CEP63: variants seen among roughly 807,000 people sequenced by gnomAD.
The protein encoded by CEP63 is centrosomal protein of 63 kDa.
CEP63 carries 84 observed loss-of-function variants against 89.1 expected under a neutral mutation model. The ratio of observed to expected loss-of-function variants is 0.94; its 90% CI spans 0.79 to 1.13. CEP63 has a LOEUF of 1.13. CEP63 is among the 50% of genes most tolerant of loss of function. The pLI, the probability that CEP63 is intolerant of heterozygous loss-of-function variation, is 0.00. For synonymous variants in CEP63, 267 were observed against 272.5 expected (o/e 0.98, Z 0.20); for missense variants, 838 against 813.3 (o/e 1.03, Z -0.37).
At chr3:134,602,914 T>G in the CEP63 span, among the ~76,000 whole-genome samples, 2 of 152,246 alleles carry the variant, frequency 1.3e-5, no homozygotes, top group African/African-American at 4.8e-5. Flanking sequence ...CATTCCTGAC[T>G]ATACTTAGGG....
chr3:134,727,204 T>G, the CEP63 span, among the ~76,000 whole-genome samples: 2 of 152,236 alleles, frequency 1.3e-5, no homozygotes, highest in East Asian at 3.8e-4. Flanking sequence ...CAAGTTTCAC[T>G]GCTCCCAGGA....
At chr3:134,552,558 C>G (rs1955162970) in intron 12 of CEP63, 1 of 152,470 alleles carries the variant, frequency 6.6e-6, no homozygotes, top group South Asian at 2.0e-4. Context: ...AGTCTGTGTT[C>G]TTAGTTGGAA....
the CEP63 span, among the ~76,000 whole-genome samples, chr3:134,728,351 C>A: frequency 6.6e-6 from 1 of 152,076 alleles, no homozygotes; most frequent in Non-Finnish European, 1.5e-5. Context: ...AATTTCACTT[C>A]TAGAAATTTC....
the CEP63 span, among the ~76,000 whole-genome samples, chr3:134,606,509 C>T: frequency 5.9e-5 from 9 of 152,336 alleles, no homozygotes; most frequent in African/African-American, 1.7e-4. Flanking sequence ...ACCCGGACCC[C>T]TCAGCTGAGG....
the CEP63 span, among the ~76,000 whole-genome samples, chr3:134,655,032 G>A: frequency 3.3e-5 from 5 of 152,202 alleles, no homozygotes; most frequent in Admixed American, 1.3e-4. Flanking sequence ...TCCCAGTAGG[G>A]TGATAGTGAA....
At chr3:134,591,462 G>A (rs539494638), downstream of CEP63, among the ~76,000 whole-genome samples, 1 of 152,326 alleles carries the variant, frequency 6.6e-6, no homozygotes, top group South Asian at 2.1e-4. Flanking sequence ...CATGGTGACA[G>A]TGTTTGCTGT....
chr3:134,667,641 G>A, the CEP63 span, among the ~76,000 whole-genome samples: 1 of 152,238 alleles, frequency 6.6e-6, no homozygotes, highest in Non-Finnish European at 1.5e-5. Context: ...CACACTGACT[G>A]GGTGTTCAGC....
At chr3:134,619,880 G>C in the CEP63 span, 1 of 152,822 alleles carries the variant, frequency 6.5e-6, no homozygotes, top group Non-Finnish European at 1.5e-5. Context: ...TTAAGGCACA[G>C]GCACAGCTGG....
downstream of CEP63, among the ~76,000 whole-genome samples, chr3:134,576,113 G>T (rs1286930373): frequency 3.3e-5 from 5 of 152,188 alleles, no homozygotes. Context: ...TTCACGGGAA[G>T]TCTTCTCTTG....
At chr3:134,486,006 C>G (rs1047639405), upstream of CEP63, 6 of 984,744 alleles carry the variant, frequency 6.1e-6, no homozygotes, top group South Asian at 1.9e-4. Flanking sequence ...CCCCCCCTCC[C>G]CCGCATCACG....
the CEP63 span, among the ~76,000 whole-genome samples, chr3:134,648,775 A>G: frequency 6.6e-6 from 1 of 152,134 alleles, no homozygotes; most frequent in East Asian, 1.9e-4. Context: ...CTCGTTACGG[A>G]TTACTCCATC....
At chr3:134,535,849 A>G (rs1469040120) in intron 5 of CEP63, 1 of 152,190 alleles carries the variant, frequency 6.6e-6, no homozygotes, top group Non-Finnish European at 1.5e-5. Context: ...CTGTAATGTA[A>G]GTCAAATTAT....
chr3:134,756,252 A>G, the CEP63 span, among the ~76,000 whole-genome samples: 1 of 152,072 alleles, frequency 6.6e-6, no homozygotes, highest in African/African-American at 2.4e-5. Context: ...TGTAGAGATC[A>G]TTCCCGAAGG....
At chr3:134,608,738 C>T in the CEP63 span, 1 of 1,614,042 alleles carries the variant, frequency 6.2e-7, no homozygotes, top group Non-Finnish European at 8.5e-7. Context: ...CTCAAACTGC[C>T]TCAGAGATTG....
intron 6 of CEP63, among the ~76,000 whole-genome samples, chr3:134,540,288 C>A (rs1031845038): frequency 6.6e-6 from 1 of 152,092 alleles, no homozygotes; most frequent in Admixed American, 6.5e-5. Flanking sequence ...GTAGAATTCC[C>A]CCCTATCGTT....
chr3:134,768,471 C>A, the CEP63 span, among the ~76,000 whole-genome samples: 1 of 152,164 alleles, frequency 6.6e-6, no homozygotes, highest in African/African-American at 2.4e-5. Context: ...GGCATTTTTC[C>A]TTCTCTTCCT....
the CEP63 span, among the ~76,000 whole-genome samples, chr3:134,683,246 T>A: frequency 6.6e-6 from 1 of 152,258 alleles, no homozygotes; most frequent in African/African-American, 2.4e-5. Flanking sequence ...TGTAAAGTTA[T>A]ATTTTAATGT....
intron 5 of CEP63, 71 bp from the exon 6 acceptor site, chr3:134,537,083 TA>T: frequency 2.1e-6 from 2 of 949,314 alleles, no homozygotes; most frequent in Middle Eastern, 4.2e-4. Flanking sequence ...AAATTAAAGT[TA>T]AAGGGAGTCT....
chr3:134,580,194 C>CAA (rs58009929), intron 10 of CEP63, among the ~76,000 whole-genome samples: 1,942 of 112,120 alleles, frequency 0.017, 42 homozygotes, highest in African/African-American at 0.062. Flanking sequence ...GACTCCACCT[C>CAA]AAAAAAAAAA....
Sources: allele counts gnomAD v4.1 joint callset (sites outside exome capture counted in the v4.1 genomes callset), GRCh38; gene constraint gnomAD v4.1.1; transcripts MANE v1.5; gene names NCBI Gene and HGNC (gene_info 2026-07-23, HGNC 2026-07-21).